The following CSMD1 variants were observed in gnomAD, a reference collection of about 807,000 sequenced individuals.
CSMD1 encodes the protein CUB and sushi domain-containing protein 1.
In CSMD1, 213 loss-of-function variants were observed where a neutral mutation model predicts 417.5. The ratio of observed to expected loss-of-function variants is 0.51; its 90% CI spans 0.46 to 0.57. CSMD1 has a LOEUF of 0.57. Among genes scored for constraint, CSMD1 ranks in the 20% least tolerant of loss-of-function variants. The pLI is 0.00. For missense variants in CSMD1, 6,923 were observed against 4,529.7 expected, an observed-to-expected ratio of 1.53 and a Z score of -15.17; for synonymous variants, 2,862 against 1,736.8, an observed-to-expected ratio of 1.65 and a Z score of -16.11.
At chr8:4,676,785 C>T (rs1265980640) in intron 1 of CSMD1, among the ~76,000 whole-genome samples, 7 of 151,820 alleles carry the variant, frequency 4.6e-5, no homozygotes, top group African/African-American at 1.7e-4. Flanking sequence ...TCTTTGTTCT[C>T]TTCAGCGAGT....
chr8:4,212,688 G>T (rs942579721), intron 3 of CSMD1, among the ~76,000 whole-genome samples: 1 of 144,856 alleles, frequency 6.9e-6, no homozygotes, highest in South Asian at 2.3e-4. Context: ...GAAATAATTA[G>T]TTATATGTAA....
intron 1 of CSMD1, among the ~76,000 whole-genome samples, chr8:4,870,649 G>C (rs957588277): frequency 4.6e-5 from 7 of 152,136 alleles, no homozygotes; most frequent in Admixed American, 1.3e-4. Context: ...CCACGAGTGA[G>C]GGAATGGAGA....
chr8:3,725,789 T>A (rs1346066942), intron 6 of CSMD1, among the ~76,000 whole-genome samples: 1 of 152,130 alleles, frequency 6.6e-6, no homozygotes, highest in Non-Finnish European at 1.5e-5. Flanking sequence ...TGAAAACCAT[T>A]GATCTAGGAA....
intron 3 of CSMD1, among the ~76,000 whole-genome samples, chr8:4,208,652 G>T (rs1465378753): frequency 6.6e-6 from 1 of 152,038 alleles, no homozygotes; most frequent in Admixed American, 6.5e-5. Context: ...GCAGTAGAAT[G>T]ACATAAAACC....
At position 4,844,201 on chromosome 8, in the gene CSMD1, G is replaced by A. The variant is rs544324122; in HGVS notation, c.85+150131C>T. On this transcript the variant is annotated intron_variant, in intron 1 of 69. Coordinates refer to ENST00000635120, the MANE Select transcript of CSMD1 (RefSeq NM_033225.6). ...CGTAGCACTGGAAAAAAAAGTGTTAGTTGTAGGCACCTGGTAATTTCAAGT... is the reference window on the plus strand; with the variant it reads ...CGTAGCACTGGAAAAAAAAGTGTTAATTGTAGGCACCTGGTAATTTCAAGT... Among the ~76,000 whole-genome samples the A allele has an allele frequency of 3.3e-5, 5 of 152,290 alleles. No individual in the cohort carries two copies. In the East Asian group the frequency reaches 9.7e-4, roughly 29 times the overall value.
intron 3 of CSMD1, among the ~76,000 whole-genome samples, chr8:4,163,672 A>G (rs1464909713): frequency 1.3e-5 from 2 of 152,172 alleles, no homozygotes; most frequent in South Asian, 4.1e-4. Flanking sequence ...ATAATTTTAA[A>G]ACAAGAAGTA....
chr8:4,785,427 T>G (rs921822711), intron 1 of CSMD1, among the ~76,000 whole-genome samples: 1 of 152,170 alleles, frequency 6.6e-6, no homozygotes, highest in Admixed American at 6.5e-5. Flanking sequence ...GCCCCCACAG[T>G]GGGTTAGATC....
intron 1 of CSMD1, among the ~76,000 whole-genome samples, chr8:4,684,351 G>C (rs554099492): frequency 1.5e-4 from 23 of 152,130 alleles, no homozygotes; most frequent in Non-Finnish European, 2.6e-4. Flanking sequence ...CTACCTTCTT[G>C]ATTCTCAAAA....
intron 1 of CSMD1, among the ~76,000 whole-genome samples, chr8:4,820,568 G>A (rs1281060751): frequency 6.6e-6 from 1 of 152,122 alleles, no homozygotes; most frequent in Non-Finnish European, 1.5e-5. Context: ...GAAAAAAAGT[G>A]AGCAAAGAAA....
intron 18 of CSMD1, among the ~76,000 whole-genome samples, chr8:3,373,181 A>T (rs1282904819): frequency 6.6e-6 from 1 of 152,186 alleles, no homozygotes; most frequent in Non-Finnish European, 1.5e-5. Context: ...AAAAACAATC[A>T]ATCTTTATTT....
intron 1 of CSMD1, among the ~76,000 whole-genome samples, chr8:4,650,301 T>C (rs969267370): frequency 1.7e-4 from 22 of 128,560 alleles, no homozygotes; most frequent in African/African-American, 5.2e-4. Flanking sequence ...GCCTAGATGG[T>C]GCCACTGCAC....
chr8:3,597,331 T>C (rs1352316105), intron 8 of CSMD1, among the ~76,000 whole-genome samples: 1 of 152,068 alleles, frequency 6.6e-6, no homozygotes, highest in African/African-American at 2.4e-5. Context: ...TTGGCATCTC[T>C]GTCTGGTTCC....
intron 1 of CSMD1, among the ~76,000 whole-genome samples, chr8:4,982,734 G>T (rs1249836761): frequency 6.6e-6 from 1 of 152,144 alleles, no homozygotes; most frequent in Non-Finnish European, 1.5e-5. Flanking sequence ...AAACACATTT[G>T]CTAGGAGATA....
At chr8:4,526,948 T>C (rs962659642) in intron 2 of CSMD1, among the ~76,000 whole-genome samples, 2 of 152,192 alleles carry the variant, frequency 1.3e-5, no homozygotes, top group Non-Finnish European at 2.9e-5. Context: ...TTTCAGGGAA[T>C]GGCTTCTAAC....
intron 1 of CSMD1, among the ~76,000 whole-genome samples, chr8:4,647,065 G>A (rs1473677450): frequency 6.6e-6 from 1 of 152,148 alleles, no homozygotes; most frequent in Admixed American, 6.5e-5. Context: ...TGGCAGCAAA[G>A]TCAGTTCTTA....
chr8:3,703,399 G>A (rs1313508379), intron 7 of CSMD1, among the ~76,000 whole-genome samples: 2 of 99,140 alleles, frequency 2.0e-5, no homozygotes, highest in Non-Finnish European at 3.9e-5. Flanking sequence ...GAATCTATAG[G>A]GCTTTTGTTC....
intron 2 of CSMD1, among the ~76,000 whole-genome samples, chr8:4,594,673 A>T (rs1055099854): frequency 2.0e-5 from 3 of 152,192 alleles, no homozygotes; most frequent in African/African-American, 4.8e-5. Context: ...TCTGCTGCCC[A>T]TGTGTTGCCT....
At chr8:3,439,638 TG>T (rs1394744484) in intron 12 of CSMD1, among the ~76,000 whole-genome samples, 1 of 152,090 alleles carries the variant, frequency 6.6e-6, no homozygotes, top group Non-Finnish European at 1.5e-5. Flanking sequence ...TTCTCCGAGA[TG>T]TTTTTCATTT....
chr8:3,926,640 G>C (rs1002048485), intron 5 of CSMD1, among the ~76,000 whole-genome samples: 4 of 144,956 alleles, frequency 2.8e-5, no homozygotes, highest in Admixed American at 1.4e-4. Flanking sequence ...CATATTATTA[G>C]AAACAATTAA....
Sources: allele counts gnomAD v4.1 joint callset (sites outside exome capture counted in the v4.1 genomes callset), GRCh38; gene constraint gnomAD v4.1.1; transcripts MANE v1.5; gene names NCBI Gene and HGNC (gene_info 2026-07-23, HGNC 2026-07-21).